The following STARD3 variants were observed in gnomAD, a reference collection of about 807,000 sequenced individuals.
STARD3 encodes stAR-related lipid transfer protein 3.
Under a neutral mutation model 62.0 loss-of-function variants are expected in STARD3, and 39 were observed. That is an observed-to-expected ratio of 0.63 (90% CI 0.49 to 0.82). The LOEUF is 0.82. Among genes scored for constraint, STARD3 ranks in the 40% least tolerant of loss-of-function variants. The pLI is 0.00. For missense variants in STARD3, 543 were observed against 584.5 expected, an observed-to-expected ratio of 0.93 and a Z score of 0.73; for synonymous variants, 229 against 242.4, an observed-to-expected ratio of 0.94 and a Z score of 0.51.
chr17:39,654,794 A>T (rs1166060370), intron 2 of STARD3, among the ~76,000 whole-genome samples: 1 of 152,256 alleles, frequency 6.6e-6, no homozygotes, highest in Non-Finnish European at 1.5e-5. Context: ...TCTCATGCTT[A>T]TGTGACAAGA....
intron 1 of STARD3, among the ~76,000 whole-genome samples, chr17:39,644,911 C>T (rs1459463422): frequency 6.6e-6 from 1 of 151,964 alleles, no homozygotes; most frequent in African/African-American, 2.4e-5. Context: ...TGAGAGCTGC[C>T]GTCGGTCAGC....
intron 1 of STARD3, among the ~76,000 whole-genome samples, chr17:39,640,519 C>A (rs922611613): frequency 1.3e-5 from 2 of 151,792 alleles, no homozygotes; most frequent in South Asian, 2.1e-4. Flanking sequence ...CCAACCCCCC[C>A]ACCCCTTGTC....
chr17:39,649,257 A>G (rs1305130394), intron 1 of STARD3, among the ~76,000 whole-genome samples: 2 of 152,254 alleles, frequency 1.3e-5, no homozygotes, highest in African/African-American at 4.8e-5. Context: ...ACAAAACCAC[A>G]TATGCAATTT....
chr17:39,663,603 G>A lies in STARD3; in HGVS notation c.*695G>A, dbSNP rs1171722379. 1 of 152,124 alleles carries A rather than the reference G, an allele frequency of 6.6e-6. No homozygotes were observed. Among genetic ancestry groups the A allele is most frequent in the Non-Finnish European group, 1.5e-5 (1 of 68,056 alleles). The allele number at this position is 152,124 out of a possible 1,614,324, so 9.4% of individuals were successfully genotyped here. A position where few individuals can be genotyped will look rare whatever the true frequency, so the allele number is the denominator to read the frequency against. On this transcript the variant is annotated 3_prime_UTR_variant, in exon 15 of 15. Transcript: ENST00000336308. The stretch of plus-strand genomic sequence containing the variant: ...GGGCTCACAGGAGGGCGGAGCCCGG[G>A]GAGCCAGTTCCTGAAACATGCCCCC...
chr17:39,652,293 A>G (rs185951474), intron 1 of STARD3, among the ~76,000 whole-genome samples: 55 of 152,148 alleles, frequency 3.6e-4, no homozygotes, highest in Non-Finnish European at 6.5e-4. Flanking sequence ...CATTTATTCA[A>G]CAATCAATTA....
intron 6 of STARD3, 89 bp downstream of exon 6, chr17:39,658,611 T>C: frequency 6.4e-7 from 1 of 1,564,768 alleles, no homozygotes; most frequent in Admixed American, 1.7e-5. Flanking sequence ...GTCTGAAGCA[T>C]CTCGCCACCT....
chr17:39,650,632 C>T (rs1273107515), intron 1 of STARD3, among the ~76,000 whole-genome samples: 1 of 152,030 alleles, frequency 6.6e-6, no homozygotes, highest in Non-Finnish European at 1.5e-5. Context: ...CATAGTGAGA[C>T]CCTCGTCTCT....
At chr17:39,661,126 C>T (rs2145044535) in intron 13 of STARD3, 41 bp downstream of exon 13, 1 of 1,585,184 alleles carries the variant, frequency 6.3e-7, no homozygotes, top group African/African-American at 1.3e-5. Context: ...GCCAGCCCCT[C>T]CCCTGGGAGC....
In STARD3 at chr17:39,663,160, G is replaced by T. The variant is rs1015750375; in HGVS notation, c.*252G>T. 31 of 459,394 alleles carry T rather than the reference G, an allele frequency of 6.7e-5. No homozygotes were observed. Among genetic ancestry groups the T allele is most frequent in the Non-Finnish European group, 1.1e-4 (28 of 261,802 alleles). The allele number at this position is 459,394 out of a possible 1,614,324, so 28.5% of individuals were successfully genotyped here. A position where few individuals can be genotyped will look rare whatever the true frequency, so the allele number is the denominator to read the frequency against. On this transcript the variant is annotated 3_prime_UTR_variant, in exon 15 of 15. Transcript: ENST00000336308. ...TTACATGGCGCCCTGCCTCCTGGAGGACCAGATTGCTCTGCCCCACCTTGC... is the reference window on the plus strand; with the variant it reads ...TTACATGGCGCCCTGCCTCCTGGAGTACCAGATTGCTCTGCCCCACCTTGC...
At chr17:39,662,648 T>G in intron 14 of STARD3, 156 bp from the exon 15 acceptor site, 1 of 718,866 alleles carries the variant, frequency 1.4e-6, no homozygotes, top group Non-Finnish European at 2.3e-6. Context: ...CCCAGCATGT[T>G]CTTCCTGCCA....
At chr17:39,658,243 C>T (rs1287656691) in intron 5 of STARD3, 162 bp from the exon 6 acceptor site, 2 of 833,120 alleles carry the variant, frequency 2.4e-6, no homozygotes, top group Non-Finnish European at 1.9e-6. Context: ...TTTCTCCAGC[C>T]TAACCCCAGT....
chr17:39,657,482 G>T (rs1477139830), intron 3 of STARD3, among the ~76,000 whole-genome samples: 1 of 151,418 alleles, frequency 6.6e-6, no homozygotes, highest in Non-Finnish European at 1.5e-5. Context: ...AGCTGAGACC[G>T]TGCCACCGCA....
Position 39,657,986 on chromosome 17 carries a change from T to C in STARD3, c.389T>C (p.Val130Ala). 1 of 1,578,620 alleles carries C rather than the reference T, an allele frequency of 6.3e-7. No individual in the cohort carries two copies. Among genetic ancestry groups the C allele is most frequent in the Non-Finnish European group, 8.6e-7 (1 of 1,162,078 alleles). The part of the protein sequence containing the change: ...HWWVIAVTTL[V>A]SSAFLIVKVI... ...TCCCCTGGGCAGGTCACGACGCTGG[T>C]GTCCAGTGCATTCCTCATTGTCAAG... Residue 130 changes from valine (V) to alanine (A), a missense_variant, in exon 5 of 15, where the codon GTG becomes GCG. Transcript: ENST00000336308.
chr17:39,662,347 G>T lies in STARD3; in HGVS notation c.1233+3G>T. ...GGATTCTTAATACAGATCTCAAGGT[G>T]GGGTGCTGGGGGGCTGCCAGGTGGG... On this transcript the variant is annotated splice_donor_region_variant and intron_variant, in intron 14 of 14. Transcript: ENST00000336308. 1 of 1,613,214 alleles carries T rather than the reference G, an allele frequency of 6.2e-7. No individual in the cohort carries two copies. The highest frequency in any genetic ancestry group is 8.5e-7 in the Non-Finnish European group (1 of 1,179,612).
chr17:39,645,880 C>CGT (rs2057021477), intron 1 of STARD3, among the ~76,000 whole-genome samples: 1 of 115,102 alleles, frequency 8.7e-6, no homozygotes, highest in East Asian at 2.3e-4. Flanking sequence ...GGGATTCTTG[C>CGT]CTTTTTTTTT....
At chr17:39,649,692 C>T (rs746339027) in intron 1 of STARD3, among the ~76,000 whole-genome samples, 1 of 151,482 alleles carries the variant, frequency 6.6e-6, no homozygotes. Flanking sequence ...TATGGTGAAA[C>T]CTCATCTCTA....
At chr17:39,653,207 T>G (rs899687147) in intron 1 of STARD3, 1 of 424,716 alleles carries the variant, frequency 2.4e-6, no homozygotes. Flanking sequence ...TAGGTGCCCA[T>G]GCAGAGGGAC....
intron 13 of STARD3, among the ~76,000 whole-genome samples, chr17:39,661,872 G>A (rs1305252468): frequency 6.6e-6 from 1 of 152,236 alleles, no homozygotes; most frequent in Non-Finnish European, 1.5e-5. Flanking sequence ...CTTCTCCTGA[G>A]CAGGTGTCCC....
chr17:39,659,369 A>G, intron 8 of STARD3, 92 bp from the exon 9 acceptor site: 1 of 1,295,422 alleles, frequency 7.7e-7, no homozygotes, highest in African/African-American at 1.5e-5. Flanking sequence ...CCCTCTGGGA[A>G]GCATGTGGTA....
Sources: allele counts gnomAD v4.1 joint callset (sites outside exome capture counted in the v4.1 genomes callset), GRCh38; gene constraint gnomAD v4.1.1; transcripts MANE v1.5; gene names NCBI Gene and HGNC (gene_info 2026-07-23, HGNC 2026-07-21).